Variants in KLHL20 observed in about 807,000 individuals in gnomAD.
The protein encoded by KLHL20 is kelch like family member 20.
A neutral mutation model predicts 69.5 loss-of-function variants in KLHL20; 29 were observed. That is an observed-to-expected ratio of 0.42 (90% CI 0.31 to 0.57). KLHL20 has a LOEUF of 0.57. Ranked by LOEUF, KLHL20 falls within the 20% of genes least tolerant of loss-of-function variation. The probability of loss-of-function intolerance (pLI) is 0.18; values close to 1 mark genes in which losing one functional copy is unlikely to be tolerated. For missense variants in KLHL20, 419 were observed against 776.0 expected (o/e 0.54, Z 5.47); for synonymous variants, 253 against 265.2 (o/e 0.95, Z 0.45).
chr1:173,763,667 G>A (rs746171936), intron 7 of KLHL20, among the ~76,000 whole-genome samples: 1 of 152,052 alleles, frequency 6.6e-6, no homozygotes, highest in Non-Finnish European at 1.5e-5. Context: ...ATGTTGCTGG[G>A]ATAATTAGCT....
chr1:173,740,194 T>C (rs1300633144), intron 3 of KLHL20, among the ~76,000 whole-genome samples: 4 of 150,522 alleles, frequency 2.7e-5, no homozygotes, highest in African/African-American at 9.8e-5. Flanking sequence ...CGATTTCGGC[T>C]CACTGCAAGC....
At chr1:173,721,268 C>T (rs1350958371) in intron 2 of KLHL20, among the ~76,000 whole-genome samples, 1 of 152,060 alleles carries the variant, frequency 6.6e-6, no homozygotes, top group Non-Finnish European at 1.5e-5. Context: ...TTTCCAATCT[C>T]GTATCTTTGA....
intron 2 of KLHL20, among the ~76,000 whole-genome samples, chr1:173,721,074 G>A (rs547950105): frequency 7.2e-4 from 110 of 152,280 alleles, no homozygotes; most frequent in Non-Finnish European, 1.0e-3. Flanking sequence ...ACTGTAGTGA[G>A]TACCAGGGGT....
intron 5 of KLHL20, 67 bp downstream of exon 5, chr1:173,753,374 T>A: frequency 8.8e-7 from 1 of 1,135,480 alleles, no homozygotes; most frequent in Non-Finnish European, 1.3e-6. Flanking sequence ...ATTTCCTTAT[T>A]TGTATTGCTT....
At chr1:173,770,796 A>C (rs1648044603) in intron 8 of KLHL20, among the ~76,000 whole-genome samples, 1 of 152,176 alleles carries the variant, frequency 6.6e-6, no homozygotes, top group African/African-American at 2.4e-5. Flanking sequence ...CTTAAAGAAG[A>C]AAACCAAAGG....
At chr1:173,718,139 G>A (rs1459249890) in intron 2 of KLHL20, among the ~76,000 whole-genome samples, 1 of 151,944 alleles carries the variant, frequency 6.6e-6, no homozygotes, top group East Asian at 2.0e-4. Context: ...TGTTGCCCAG[G>A]TTGGTCTCAA....
intron 3 of KLHL20, among the ~76,000 whole-genome samples, chr1:173,735,536 GT>G (rs1314774418): frequency 6.6e-6 from 1 of 151,920 alleles, no homozygotes; most frequent in Non-Finnish European, 1.5e-5. Context: ...AACATGGTCT[GT>G]TTTACAACTT....
chr1:173,724,773 C>T (rs1419342883), intron 2 of KLHL20, among the ~76,000 whole-genome samples: 2 of 152,110 alleles, frequency 1.3e-5, no homozygotes, highest in Non-Finnish European at 2.9e-5. Context: ...CCGCTGTATT[C>T]CAGCCTGGGT....
chr1:173,776,321 C>A (rs1342912022), intron 10 of KLHL20, among the ~76,000 whole-genome samples: 2 of 152,032 alleles, frequency 1.3e-5, no homozygotes, highest in African/African-American at 4.8e-5. Context: ...CTTATATATT[C>A]TAGTTATTAA....
chr1:173,746,494 T>G (rs1185901412), intron 3 of KLHL20, among the ~76,000 whole-genome samples: 4 of 152,162 alleles, frequency 2.6e-5, no homozygotes, highest in Non-Finnish European at 4.4e-5. Flanking sequence ...AAACTGTATT[T>G]CCCTAGAAAA....
chr1:173,727,293 C>T (rs554528672), intron 2 of KLHL20, among the ~76,000 whole-genome samples: 5 of 152,024 alleles, frequency 3.3e-5, no homozygotes, highest in South Asian at 4.1e-4. Flanking sequence ...CTGAAAGTGA[C>T]GGGGAGAATG....
chr1:173,726,638 G>C (rs759599520), intron 2 of KLHL20, among the ~76,000 whole-genome samples: 1 of 152,188 alleles, frequency 6.6e-6, no homozygotes, highest in Non-Finnish European at 1.5e-5. Context: ...CTGGCAAACA[G>C]CCTCTGGAGT....
At chr1:173,725,234 C>T (rs955557852) in intron 2 of KLHL20, among the ~76,000 whole-genome samples, 1 of 152,230 alleles carries the variant, frequency 6.6e-6, no homozygotes, top group African/African-American at 2.4e-5. Flanking sequence ...TCCCAGCATT[C>T]ACATGAATTA....
At chr1:173,724,158 T>C (rs1671842470) in intron 2 of KLHL20, among the ~76,000 whole-genome samples, 1 of 151,584 alleles carries the variant, frequency 6.6e-6, no homozygotes, top group Non-Finnish European at 1.5e-5. Context: ...ATACATGATA[T>C]ATATGTTTTG....
intron 3 of KLHL20, among the ~76,000 whole-genome samples, chr1:173,739,312 A>G (rs1036187352): frequency 2.0e-5 from 3 of 152,032 alleles, no homozygotes; most frequent in East Asian, 1.9e-4. Flanking sequence ...AGCTCAGGCA[A>G]TCTGCCACCT....
rs771904720 is a variant in KLHL20, at chr1:173,774,423, T to G, written c.1414T>G (p.Ser472Ala). The G allele has an allele frequency of 1.2e-6, 2 of 1,613,990 alleles. No homozygotes were observed. Among genetic ancestry groups the G allele is most frequent in the Admixed American group, 3.3e-5 (2 of 59,988 alleles). Residue 472 changes from serine to alanine, a missense_variant, in exon 9 of 12, where the codon TCT becomes GCT. This residue lies in a region of KLHL20 where 56 missense variants were observed against 75.9 expected (regional missense o/e 0.74). Transcript: ENST00000209884. ...TGCTGTAGGTGGCTCTGACGGGACA[T>G]CTCCTCTCAACACAGGTTAGTCCCT... is the stretch of plus-strand genomic sequence containing the variant. ...LYAVGGSDGT[S>A]PLNTVERYNP...
intron 2 of KLHL20, among the ~76,000 whole-genome samples, chr1:173,717,367 G>C (rs923874803): frequency 6.6e-6 from 1 of 152,146 alleles, no homozygotes; most frequent in Non-Finnish European, 1.5e-5. Context: ...CAGCTATTCA[G>C]AATCATGCTG....
intron 2 of KLHL20, among the ~76,000 whole-genome samples, chr1:173,732,178 C>G (rs1463709795): frequency 6.6e-6 from 1 of 150,824 alleles, no homozygotes; most frequent in Non-Finnish European, 1.5e-5. Flanking sequence ...GCCTCCGTGA[C>G]AGAGCCAGAC....
At chr1:173,743,719 T>A (rs1338192274) in intron 3 of KLHL20, among the ~76,000 whole-genome samples, 1 of 152,118 alleles carries the variant, frequency 6.6e-6, no homozygotes, top group Non-Finnish European at 1.5e-5. Context: ...TTGTGTTTCC[T>A]TTTGGAAAAT....
Sources: gnomAD v4.1 joint callset for allele counts (sites outside exome capture counted in the v4.1 genomes callset) on GRCh38, gnomAD v4.1.1 for gene constraint, gnomAD v4.1.1 regional missense constraint, MANE v1.5 for transcripts, NCBI Gene and HGNC (gene_info 2026-07-23, HGNC 2026-07-21) for gene names.